ZDHHC12: variants seen among roughly 807,000 people sequenced by gnomAD.
ZDHHC12 encodes palmitoyltransferase ZDHHC12.
In ZDHHC12, 26 loss-of-function variants were observed where a neutral mutation model predicts 33.2. The observed-to-expected ratio is 0.78, with a 90% CI of 0.57 to 1.09. ZDHHC12 has a LOEUF of 1.09. Among genes scored for constraint, ZDHHC12 ranks in the 50% least tolerant of loss-of-function variants. The pLI is 0.00. For synonymous variants in ZDHHC12, 154 were observed against 152.1 expected, an observed-to-expected ratio of 1.01 and a Z score of -0.09; for missense variants, 350 against 353.0, an observed-to-expected ratio of 0.99 and a Z score of 0.07.
At position 128,721,985 on chromosome 9, in the gene ZDHHC12, C is replaced by G; in HGVS notation, c.315+24G>C. 6.2e-7 allele frequency: 1 copy of G among 1,613,912 alleles called. No homozygotes were observed. The highest frequency in any genetic ancestry group is 1.7e-4 in the Middle Eastern group (1 of 6,052). On this transcript the variant is annotated intron_variant, in intron 3 of 4. Coordinates refer to ENST00000372663, the MANE Select transcript of ZDHHC12 (RefSeq NM_032799.5). This position sits in a 1 kb window ranked among gnomAD's most constrained non-coding sequence, Gnocchi z 6.9. ...GTCTCAGCTTTGGCCCAACCTCTCC[C>G]ACGGGTGTCCGTGCATCACTCACCA...
Position 128,723,868 on chromosome 9 carries a change from G to A in ZDHHC12, c.100+126C>T, listed in dbSNP as rs1862642339. 4 of 1,411,636 alleles carry A rather than the reference G, an allele frequency of 2.8e-6. No homozygotes were observed. The highest frequency in any genetic ancestry group is 4.4e-5 in the Admixed American group (2 of 45,656). The allele number at this position is 1,411,636 out of a possible 1,614,324, so 87.4% of individuals were successfully genotyped here. Reference sequence around the variant, plus strand: ...AATGATAGATGGGGAGAGGGCTTCAGGAGCTGGTGGAGATCGGGCCAATCC... The same window carrying A: ...AATGATAGATGGGGAGAGGGCTTCAAGAGCTGGTGGAGATCGGGCCAATCC... On this transcript the variant is annotated intron_variant, in intron 1 of 4. Coordinates refer to ENST00000372663, the MANE Select transcript of ZDHHC12 (RefSeq NM_032799.5). The surrounding 1 kb of genome is among the most constrained non-coding windows in gnomAD (Gnocchi z 4.4).
chr9:128,722,227 G>A lies in ZDHHC12; in HGVS notation c.238-141C>T, dbSNP rs945662668. 16 of 1,172,794 alleles carry A rather than the reference G, an allele frequency of 1.4e-5. No homozygotes were observed. The highest frequency in any genetic ancestry group is 7.6e-5 in the African/African-American group (5 of 65,774). The allele number at this position is 1,172,794 out of a possible 1,614,324, so 72.6% of individuals were successfully genotyped here. The stretch of plus-strand genomic sequence containing the variant: ...GCAGAATGGAGGTGTGGGGTATGGC[G>A]GAGCACCCTGGACTGAGGGCGGCTG... On this transcript the variant is annotated intron_variant, in intron 2 of 4. Transcript: ENST00000372663. This position sits in a 1 kb window ranked among gnomAD's most constrained non-coding sequence, Gnocchi z 4.2.
In ZDHHC12 at chr9:128,722,633, T is replaced by C. The variant is rs960870804; in HGVS notation, c.101-59A>G. ...CGGGTAGAACAGGAGTGGGTGGGGT[T>C]GGGGTGCAGTTGGAGGTGGGGAAGT... On this transcript the variant is annotated intron_variant, in intron 1 of 4. Coordinates refer to ENST00000372663, the MANE Select transcript of ZDHHC12 (RefSeq NM_032799.5). The surrounding 1 kb of genome is among the most constrained non-coding windows in gnomAD (Gnocchi z 4.2). 3.8e-6 allele frequency: 6 copies of C among 1,560,008 alleles called. No individual in the cohort carries two copies. The Middle Eastern group carries it at 5.0e-4, about 130-fold the overall frequency.
chr9:128,722,868 T>G lies in ZDHHC12; in HGVS notation c.101-294A>C. 3.6e-6 allele frequency: 3 copies of G among 833,512 alleles called. No homozygotes were observed. Among genetic ancestry groups the G allele is most frequent in the South Asian group, 2.4e-5 (1 of 40,856 alleles). 51.6% of individuals were successfully genotyped at this position (833,512 alleles called of 1,614,324 possible). A position where few individuals can be genotyped will look rare whatever the true frequency, so the allele number is the denominator to read the frequency against. On this transcript the variant is annotated intron_variant, in intron 1 of 4. Transcript: ENST00000372663. This position sits in a 1 kb window ranked among gnomAD's most constrained non-coding sequence, Gnocchi z 4.2. The stretch of plus-strand genomic sequence containing the variant: ...TGGCCAGGAGGAAGAAGAGAGTCGC[T>G]ACAAAGGCCTGGCAGGAAGTGAGGG...
In ZDHHC12 at chr9:128,721,112, C is replaced by T. The variant is rs371625023; in HGVS notation, c.*69G>A. The T allele has an allele frequency of 2.2e-4, 319 of 1,430,302 alleles. 1 individual carries two copies. Among genetic ancestry groups the T allele is most frequent in the Non-Finnish European group, 2.6e-4 (287 of 1,088,700 alleles). The allele number at this position is 1,430,302 out of a possible 1,614,324, so 88.6% of individuals were successfully genotyped here. A position where few individuals can be genotyped will look rare whatever the true frequency, so the allele number is the denominator to read the frequency against. On this transcript the variant is annotated 3_prime_UTR_variant, in exon 5 of 5. Coordinates refer to ENST00000372663, the MANE Select transcript of ZDHHC12 (RefSeq NM_032799.5). The surrounding 1 kb of genome is among the most constrained non-coding windows in gnomAD (Gnocchi z 6.9). The stretch of plus-strand genomic sequence containing the variant: ...GAGTGAGGGCCCCAGGCCCTCTGAG[C>T]GCTCACCCCAGCTGGGGACAGGCCC...
In ZDHHC12 at chr9:128,722,586, G is replaced by C. The variant is rs200048079; in HGVS notation, c.101-12C>G. On this transcript the variant is annotated splice_polypyrimidine_tract_variant and intron_variant, in intron 1 of 4. Transcript: ENST00000372663. This position sits in a 1 kb window ranked among gnomAD's most constrained non-coding sequence, Gnocchi z 4.2. ...CCATTGCCGCAGCTCTGGAGAGGCCGGAGAGCACAGTGAGGCTGGGCCGGG... is the reference window on the plus strand; with the variant it reads ...CCATTGCCGCAGCTCTGGAGAGGCCCGAGAGCACAGTGAGGCTGGGCCGGG... 1 of 1,590,472 alleles carries C rather than the reference G, an allele frequency of 6.3e-7. No homozygotes were observed. The highest frequency in any genetic ancestry group is 8.6e-7 in the Non-Finnish European group (1 of 1,168,378).
chr9:128,723,027 G>C lies in ZDHHC12; in HGVS notation c.101-453C>G, dbSNP rs1409489921. On this transcript the variant is annotated intron_variant, in intron 1 of 4. Coordinates refer to ENST00000372663, the MANE Select transcript of ZDHHC12 (RefSeq NM_032799.5). The surrounding 1 kb of genome is among the most constrained non-coding windows in gnomAD (Gnocchi z 4.4). The stretch of plus-strand genomic sequence containing the variant: ...GGTTAGGTCTGAAATGCCTGAGAGA[G>C]ATACAGTGGGAAGGGTGCAGCTGGC... 1.1e-5 allele frequency: 2 copies of C among 185,236 alleles called. No individual in the cohort carries two copies. The highest frequency in any genetic ancestry group is 4.8e-5 in the African/African-American group (2 of 41,824). The allele number at this position is 185,236 out of a possible 1,614,324, so 11.5% of individuals were successfully genotyped here.
chr9:128,721,730 C>T lies in ZDHHC12; in HGVS notation c.403G>A (p.Gly135Arg). The T allele has an allele frequency of 6.2e-7, 1 of 1,613,914 alleles. No homozygotes were observed. Among genetic ancestry groups the T allele is most frequent in the Non-Finnish European group, 8.5e-7 (1 of 1,179,994 alleles). ...HHCPWMENCV[G>R]ERNHPLFVVY... ...ACAAAGAGTGGGTGGTTGCGCTCTCCCACACAGTTCTCCATCCAGGGGCAG... is the reference window on the plus strand; with the variant it reads ...ACAAAGAGTGGGTGGTTGCGCTCTCTCACACAGTTCTCCATCCAGGGGCAG... Residue 135 changes from glycine to arginine, a missense_variant, in exon 4 of 5, where the codon GGA becomes AGA. Coordinates refer to ENST00000372663, the MANE Select transcript of ZDHHC12 (RefSeq NM_032799.5). This position sits in a 1 kb window ranked among gnomAD's most constrained non-coding sequence, Gnocchi z 6.9.
chr9:128,721,749 G>C lies in ZDHHC12; in HGVS notation c.384C>G (p.Pro128=), dbSNP rs777496203. 2 of 1,613,878 alleles carry C rather than the reference G, an allele frequency of 1.2e-6. No individual in the cohort carries two copies. The highest frequency in any genetic ancestry group is 1.7e-6 in the Non-Finnish European group (2 of 1,180,000). ...RCVRRYDHHC[P]WMENCVGERN... is the part of the protein sequence containing the mutation. ...GCTCTCCCACACAGTTCTCCATCCA[G>C]GGGCAGTGGTGGTCGTAGCGGCGGA... Residue 128 remains proline, a synonymous_variant, in exon 4 of 5, where the codon CCC becomes CCG. Transcript: ENST00000372663. The surrounding 1 kb of genome is among the most constrained non-coding windows in gnomAD (Gnocchi z 6.9).
Position 128,721,692 on chromosome 9 carries a change from C to T in ZDHHC12, c.441G>A (p.Ala147=), listed in dbSNP as rs148081275. 100 of 1,613,826 alleles carry T rather than the reference C, an allele frequency of 6.2e-5. No homozygotes were observed. The highest frequency in any genetic ancestry group is 7.6e-5 in the Non-Finnish European group (90 of 1,179,996). ...CCCACAGAAGCACCACCAGCTGCAG[C>T]GCCAGGTAGACCACAAAGAGTGGGT... ...RNHPLFVVYL[A]LQLVVLLWGL... The change falls in exon 4 of 5, where the codon GCG becomes GCA. Residue 147 remains alanine (A), a synonymous_variant. Transcript: ENST00000372663. The surrounding 1 kb of genome is among the most constrained non-coding windows in gnomAD (Gnocchi z 6.9).
rs748419057 is a variant in ZDHHC12 at position 128,721,583 on chromosome 9, C to T, written c.482+68G>A. ...TCCCCATGCCGGGTCCCTGGGAGTC[C>T]TGGCTCTGTCCACCCCTGTGGGAGC... On this transcript the variant is annotated intron_variant, in intron 4 of 4. Coordinates refer to ENST00000372663, the MANE Select transcript of ZDHHC12 (RefSeq NM_032799.5). This position sits in a 1 kb window ranked among gnomAD's most constrained non-coding sequence, Gnocchi z 6.9. The T allele has an allele frequency of 2.1e-5, 33 of 1,591,660 alleles. No homozygotes were observed. The highest frequency in any genetic ancestry group is 6.7e-5 in the African/African-American group (5 of 74,542).
Position 128,722,290 on chromosome 9 carries a change from C to T in ZDHHC12, c.237+148G>A. 2.5e-6 allele frequency: 3 copies of T among 1,176,748 alleles called. No homozygotes were observed. The highest frequency in any genetic ancestry group is 2.4e-6 in the Non-Finnish European group (2 of 847,926). The allele number at this position is 1,176,748 out of a possible 1,614,324, so 72.9% of individuals were successfully genotyped here. A position where few individuals can be genotyped will look rare whatever the true frequency, so the allele number is the denominator to read the frequency against. On this transcript the variant is annotated intron_variant, in intron 2 of 4. Coordinates refer to ENST00000372663, the MANE Select transcript of ZDHHC12 (RefSeq NM_032799.5). The surrounding 1 kb of genome is among the most constrained non-coding windows in gnomAD (Gnocchi z 4.2). The stretch of plus-strand genomic sequence containing the variant: ...AGTCTCTTCCTTCTCTGGGGCCCAG[C>T]AGTTTCCTCACTACTGTAGATGGGG...
chr9:128,721,598 C>G lies in ZDHHC12; in HGVS notation c.482+53G>C. Reference sequence around the variant, plus strand: ...CCTGGGAGTCCTGGCTCTGTCCACCCCTGTGGGAGCATTCATCCCACCCTC... The same window carrying G: ...CCTGGGAGTCCTGGCTCTGTCCACCGCTGTGGGAGCATTCATCCCACCCTC... On this transcript the variant is annotated intron_variant, in intron 4 of 4. Coordinates refer to ENST00000372663, the MANE Select transcript of ZDHHC12 (RefSeq NM_032799.5). The surrounding 1 kb of genome is among the most constrained non-coding windows in gnomAD (Gnocchi z 6.9). The G allele has an allele frequency of 6.3e-7, 1 of 1,599,160 alleles. No individual in the cohort carries two copies. The highest frequency in any genetic ancestry group is 8.5e-7 in the Non-Finnish European group (1 of 1,171,270).
rs1210455939 is a variant in ZDHHC12, at chr9:128,723,956, G to A, written c.100+38C>T. ...CCAGAACGTCTGGGGAAGTACGCGGGATCGGGTGGGTCCGGGGTCGCTCGG... is the reference window on the plus strand; with the variant it reads ...CCAGAACGTCTGGGGAAGTACGCGGAATCGGGTGGGTCCGGGGTCGCTCGG... On this transcript the variant is annotated intron_variant, in intron 1 of 4. Transcript: ENST00000372663. This position sits in a 1 kb window ranked among gnomAD's most constrained non-coding sequence, Gnocchi z 4.4. The A allele has an allele frequency of 1.9e-6, 3 of 1,596,242 alleles. No individual in the cohort carries two copies. The highest frequency in any genetic ancestry group is 2.6e-6 in the Non-Finnish European group (3 of 1,171,252).
Position 128,722,427 on chromosome 9 carries a change from C to T in ZDHHC12, c.237+11G>A. The stretch of plus-strand genomic sequence containing the variant: ...AGGTCCCTGTTGGTGAGAGTAGGGG[C>T]CCCTGGTTACCTGAGGCTGGGGCTG... On this transcript the variant is annotated intron_variant, in intron 2 of 4. Coordinates refer to ENST00000372663, the MANE Select transcript of ZDHHC12 (RefSeq NM_032799.5). The surrounding 1 kb of genome is among the most constrained non-coding windows in gnomAD (Gnocchi z 4.2). 6.7e-7 allele frequency: 1 copy of T among 1,490,566 alleles called. No individual in the cohort carries two copies. The highest frequency in any genetic ancestry group is 9.0e-7 in the Non-Finnish European group (1 of 1,116,450). 92.3% of individuals were successfully genotyped at this position (1,490,566 alleles called of 1,614,324 possible). A position where few individuals can be genotyped will look rare whatever the true frequency, so the allele number is the denominator to read the frequency against.
At position 128,721,673 on chromosome 9, in the gene ZDHHC12, G is replaced by T; in HGVS notation, c.460C>A (p.Leu154Met). The change falls in exon 4 of 5, where the codon CTG (leucine) becomes ATG (methionine). Residue 154 changes from leucine (L) to methionine (M), a missense_variant. Physicochemically the swap from Leu to Met is conservative, Grantham distance 15. Transcript: ENST00000372663. This position sits in a 1 kb window ranked among gnomAD's most constrained non-coding sequence, Gnocchi z 6.9. Reference protein sequence around the residue: ...VYLALQLVVLLWGLYLAWSGL... With the variant: ...VYLALQLVVLMWGLYLAWSGL... ...CACCATGCCAGGTACAGGCCCCACA[G>T]AAGCACCACCAGCTGCAGCGCCAGG... is the stretch of plus-strand genomic sequence containing the variant. 6.2e-7 allele frequency: 1 copy of T among 1,613,874 alleles called. No individual in the cohort carries two copies. Among genetic ancestry groups the T allele is most frequent in the African/African-American group, 1.3e-5 (1 of 75,054 alleles).
chr9:128,723,654 T>C lies in ZDHHC12; in HGVS notation c.100+340A>G. On this transcript the variant is annotated intron_variant, in intron 1 of 4. Transcript: ENST00000372663. This position sits in a 1 kb window ranked among gnomAD's most constrained non-coding sequence, Gnocchi z 4.4. ...CCTCCTAATCGTATGGATAGGAAGA[T>C]TTGGGGTCAGTTCCTGGGAAGGATC... 1 of 434,646 alleles carries C rather than the reference T, an allele frequency of 2.3e-6. No individual in the cohort carries two copies. The highest frequency in any genetic ancestry group is 4.7e-5 in the South Asian group (1 of 21,134). The allele number at this position is 434,646 out of a possible 1,614,324, so 26.9% of individuals were successfully genotyped here.
rs1862539129 is a variant in ZDHHC12 at position 128,721,283 on chromosome 9, G to C, written c.702C>G (p.Gly234=). 1.9e-6 allele frequency: 3 copies of C among 1,599,050 alleles called. No homozygotes were observed. Among genetic ancestry groups the C allele is most frequent in the Non-Finnish European group, 1.7e-6 (2 of 1,172,768 alleles). ...RQRPSNPFDR[G]LTRNLAHFFC... Reference sequence around the variant, plus strand: ...AGAAGTGGGCCAGGTTGCGGGTCAGGCCTCGGTCGAAGGGGTTGCTGGGGC... The same window carrying C: ...AGAAGTGGGCCAGGTTGCGGGTCAGCCCTCGGTCGAAGGGGTTGCTGGGGC... Residue 234 remains glycine, a synonymous_variant, in exon 5 of 5, where the codon GGC becomes GGG. Transcript: ENST00000372663. The surrounding 1 kb of genome is among the most constrained non-coding windows in gnomAD (Gnocchi z 6.9).
In ZDHHC12 at chr9:128,721,341, A is replaced by T. The variant is rs1201063904; in HGVS notation, c.644T>A (p.Ile215Asn). The part of the protein sequence containing the change: ...VASNTTTWEF[I>N]SSHRIAYLRQ... ...GAGATAGGCGATGCGGTGTGAGGAG[A>T]TGAATTCCCAGGTGGTGGTGTTGCT... The change falls in exon 5 of 5, where the codon ATC becomes AAC. Residue 215 changes from isoleucine to asparagine, a missense_variant. By Grantham distance (149) the Ile-to-Asn change is moderately radical. Transcript: ENST00000372663. This position sits in a 1 kb window ranked among gnomAD's most constrained non-coding sequence, Gnocchi z 6.9. 5 of 1,591,666 alleles carry T rather than the reference A, an allele frequency of 3.1e-6. No homozygotes were observed. The highest frequency in any genetic ancestry group is 1.3e-5 in the African/African-American group (1 of 74,680).
Sources: gnomAD v4.1 joint callset for allele counts on GRCh38, gnomAD v4.1.1 for gene constraint, Gnocchi (gnomAD v3.1) non-coding constraint, MANE v1.5 for transcripts, NCBI Gene and HGNC (gene_info 2026-07-23, HGNC 2026-07-21) for gene names.